The following OLFM1 variants were observed in gnomAD, a reference collection of about 807,000 sequenced individuals.
The protein encoded by OLFM1 is noelin.
In OLFM1, 9 loss-of-function variants were observed where a neutral mutation model predicts 49.7. The ratio of observed to expected loss-of-function variants is 0.18; its 90% CI spans 0.11 to 0.32. The LOEUF is 0.32. Ranked by LOEUF, OLFM1 falls within the 10% of genes least tolerant of loss-of-function variation. OLFM1 has a pLI of 1.00. For synonymous variants in OLFM1, 240 were observed against 271.8 expected (o/e 0.88, Z 1.15); for missense variants, 369 against 661.8 (o/e 0.56, Z 4.85).
chr9:135,075,708 T>A (rs370900504), exon 1 of OLFM1: 50 of 1,597,194 alleles, frequency 3.1e-5, no homozygotes, highest in Non-Finnish European at 4.0e-5. Flanking sequence ...GGGCCCTGCA[T>A]GCCAGGTCGT....
At chr9:135,107,009 C>G (rs759508274) in intron 5 of OLFM1, among the ~76,000 whole-genome samples, 154 bp downstream of exon 5, 2 of 152,044 alleles carry the variant, frequency 1.3e-5, no homozygotes, top group African/African-American at 4.8e-5. Context: ...GGAAGACTTT[C>G]GGGAGGGACC....
Position 135,120,192 on chromosome 9 carries a change from G to A in OLFM1, c.*14G>A. 6.3e-7 allele frequency: 1 copy of A among 1,595,094 alleles called. No homozygotes were observed. Among genetic ancestry groups the A allele is most frequent in the South Asian group, 1.1e-5 (1 of 87,446 alleles). On this transcript the variant is annotated 3_prime_UTR_variant, in exon 6 of 6. Transcript: ENST00000371793. Reference sequence around the variant, plus strand: ...GACGAGTTGTAGCTCCCTCCTCCTGGAAGCCAAGGGCCCACGTCCTCACCA... The same window carrying A: ...GACGAGTTGTAGCTCCCTCCTCCTGAAAGCCAAGGGCCCACGTCCTCACCA...
intron 1 of OLFM1, chr9:135,076,091 C>A: frequency 6.6e-7 from 1 of 1,526,014 alleles, no homozygotes; most frequent in South Asian, 1.2e-5. Flanking sequence ...CTGAGAAGTT[C>A]AAAGGGCAGC....
At chr9:135,103,945 A>G (rs1020517805) in intron 4 of OLFM1, among the ~76,000 whole-genome samples, 6 of 152,202 alleles carry the variant, frequency 3.9e-5, no homozygotes, top group African/African-American at 1.2e-4. Flanking sequence ...CTTCACTGAG[A>G]CAGAGAGTGA....
intron 1 of OLFM1, chr9:135,077,427 T>C: frequency 1.6e-6 from 1 of 644,540 alleles, no homozygotes; most frequent in Non-Finnish European, 2.3e-6. Context: ...GATTCCCTGT[T>C]CTGGGGAGAA....
intron 5 of OLFM1, among the ~76,000 whole-genome samples, chr9:135,114,475 C>A (rs974085615): frequency 1.3e-5 from 2 of 152,084 alleles, no homozygotes; most frequent in Admixed American, 1.3e-4. Context: ...TTGCAGGTCC[C>A]AGGATGTGGA....
rs538091411 is a variant in OLFM1, at chr9:135,117,781, C to T, written c.784-1723C>T. 9.8e-5 allele frequency among the ~76,000 whole-genome samples: 15 copies of T among 152,318 alleles called. No homozygotes were observed. Among genetic ancestry groups the T allele is most frequent in the African/African-American group, 3.1e-4 (13 of 41,568 alleles). ...GCAGGATTAGGGGCGAATGGCTGCA[C>T]GTATACGCCTGTGTGCTCCCATCCC... On this transcript the variant is annotated intron_variant, in intron 5 of 5. Transcript: ENST00000371793. This position sits in a 1 kb window ranked among gnomAD's most constrained non-coding sequence, Gnocchi z 5.5.
chr9:135,099,474 A>G (rs1190338714), intron 4 of OLFM1, among the ~76,000 whole-genome samples: 2 of 152,164 alleles, frequency 1.3e-5, no homozygotes, highest in African/African-American at 4.8e-5. Context: ...ATCCAAAAAG[A>G]ACACTTTAAA....
exon 1 of OLFM1, chr9:135,075,581 C>T (rs1480427624): frequency 1.9e-6 from 1 of 531,658 alleles, no homozygotes; most frequent in Non-Finnish European, 3.0e-6. Context: ...CCGCCCGCTC[C>T]GGGTGCTGAA....
chr9:135,076,342 C>A (rs1156351507), intron 1 of OLFM1: 18 of 1,547,626 alleles, frequency 1.2e-5, no homozygotes, highest in Non-Finnish European at 1.5e-5. Flanking sequence ...GTGTGCATTG[C>A]TGGCTTAATA....
intron 2 of OLFM1, among the ~76,000 whole-genome samples, chr9:135,093,882 A>G (rs1466249547): frequency 6.6e-6 from 1 of 152,244 alleles, no homozygotes; most frequent in Non-Finnish European, 1.5e-5. Flanking sequence ...GGAGAACTAT[A>G]GGAGAGTAAT....
intron 4 of OLFM1, among the ~76,000 whole-genome samples, chr9:135,104,714 C>G (rs981223350): frequency 6.6e-6 from 1 of 152,206 alleles, no homozygotes; most frequent in Non-Finnish European, 1.5e-5. Flanking sequence ...CTTCTCCCAG[C>G]GCCCACCCAG....
intron 5 of OLFM1, among the ~76,000 whole-genome samples, chr9:135,114,815 C>G (rs1831074018): frequency 1.3e-5 from 2 of 152,154 alleles, no homozygotes; most frequent in Non-Finnish European, 2.9e-5. Flanking sequence ...CACACCAGAG[C>G]TGCAGAGGCC....
At chr9:135,112,256 T>G (rs1425487901) in intron 5 of OLFM1, among the ~76,000 whole-genome samples, 1 of 152,218 alleles carries the variant, frequency 6.6e-6, no homozygotes, top group African/African-American at 2.4e-5. Context: ...CCACCCGCCC[T>G]GTGGGGCTCT....
intron 3 of OLFM1, among the ~76,000 whole-genome samples, chr9:135,097,318 T>C (rs933915247): frequency 6.6e-6 from 1 of 152,182 alleles, no homozygotes; most frequent in African/African-American, 2.4e-5. Flanking sequence ...AGTTGGACAT[T>C]TTTGTCCTCG....
intron 1 of OLFM1, chr9:135,076,951 G>A: frequency 9.0e-6 from 14 of 1,550,656 alleles, no homozygotes; most frequent in Non-Finnish European, 1.2e-5. Context: ...AGGATGTGCA[G>A]TCCAAATCCC....
upstream of OLFM1, among the ~76,000 whole-genome samples, chr9:135,086,084 G>A (rs1751666047): frequency 6.6e-6 from 1 of 152,256 alleles, no homozygotes; most frequent in Admixed American, 6.5e-5. Flanking sequence ...GGGAAGCGGC[G>A]TGAGTGATCT....
chr9:135,081,305 C>T (rs1261473208), intron 1 of OLFM1, among the ~76,000 whole-genome samples: 20 of 152,204 alleles, frequency 1.3e-4, no homozygotes, highest in Admixed American at 1.3e-4. Flanking sequence ...CGAAAAACAG[C>T]GCAGTGTCAC....
chr9:135,076,098 C>T, intron 1 of OLFM1: 1 of 1,534,312 alleles, frequency 6.5e-7, no homozygotes, highest in Non-Finnish European at 8.8e-7. Flanking sequence ...GTTCAAAGGG[C>T]AGCACGAGGG....
Sources: gnomAD v4.1 joint callset for allele counts (sites outside exome capture counted in the v4.1 genomes callset) on GRCh38, gnomAD v4.1.1 for gene constraint, Gnocchi (gnomAD v3.1) non-coding constraint, MANE v1.5 for transcripts, NCBI Gene and HGNC (gene_info 2026-07-23, HGNC 2026-07-21) for gene names.